The following GPER1 variants were observed in gnomAD, a reference collection of about 807,000 sequenced individuals.
The protein encoded by GPER1 is G protein-coupled estrogen receptor 1.
In GPER1, 2 loss-of-function variants were observed where a neutral mutation model predicts 0.6. The ratio of observed to expected loss-of-function variants is 3.41; its 90% CI spans 1.39 to 10.72. The LOEUF is 10.72. GPER1 is among the 30% of genes most tolerant of loss of function. The probability of loss-of-function intolerance (pLI) is 0.04; values close to 1 mark genes in which losing one functional copy is unlikely to be tolerated. For missense variants in GPER1, 441 were observed against 535.2 expected (o/e 0.82, Z 1.74); for synonymous variants, 263 against 247.6 (o/e 1.06, Z -0.58).
At position 1,092,642 on chromosome 7, in the gene GPER1, C is replaced by T. The variant is rs367628125; in HGVS notation, c.914C>T (p.Thr305Met). 1.8e-5 allele frequency: 29 copies of T among 1,612,648 alleles called. No individual in the cohort carries two copies. The highest frequency in any genetic ancestry group is 1.6e-4 in the Middle Eastern group (1 of 6,084). ...KQSFRHAHPL[T>M]GHIVNLAAFS... Reference sequence around the variant, plus strand: ...TCTTTCCGCCATGCCCACCCCCTCACGGGCCACATTGTCAACCTCGCCGCC... The same window carrying T: ...TCTTTCCGCCATGCCCACCCCCTCATGGGCCACATTGTCAACCTCGCCGCC... The change falls in exon 2 of 2, where the codon ACG becomes ATG. Residue 305 changes from threonine (T) to methionine (M), a missense_variant. By Grantham distance (81) the Thr-to-Met change is moderately conservative. Coordinates refer to ENST00000397088, the MANE Select transcript of GPER1 (RefSeq NM_001098201.3).
chr7:1,089,567 C>T (rs550341768), intron 1 of GPER1, among the ~76,000 whole-genome samples: 1 of 152,236 alleles, frequency 6.6e-6, no homozygotes, highest in South Asian at 2.1e-4. Context: ...TACAGGCGCA[C>T]ACCACTATGC....
chr7:1,092,050 C>T lies in GPER1; in HGVS notation c.322C>T (p.Leu108=). The T allele has an allele frequency of 6.2e-7, 1 of 1,614,038 alleles. No individual in the cohort carries two copies. Among genetic ancestry groups the T allele is most frequent in the Non-Finnish European group, 8.5e-7 (1 of 1,179,996 alleles). ...FINLAVADLI[L]VADSLIEVFN... is the part of the protein sequence containing the mutation. ...CAACCTGGCGGTGGCGGACCTCATC[C>T]TGGTGGCCGACTCCCTCATTGAGGT... The change falls in exon 2 of 2, where the codon CTG becomes TTG. Residue 108 remains leucine (L), a synonymous_variant. Transcript: ENST00000397088.
At chr7:1,090,590 C>T (rs569227033) in intron 1 of GPER1, among the ~76,000 whole-genome samples, 22 of 147,052 alleles carry the variant, frequency 1.5e-4, no homozygotes, top group African/African-American at 5.8e-4. Flanking sequence ...GACGGGACCT[C>T]TCCACTGGCG....
Position 1,092,487 on chromosome 7 carries a change from G to T in GPER1, c.759G>T (p.Arg253=). Residue 253 remains arginine (R), a synonymous_variant, in exon 2 of 2, where the codon CGG becomes CGT. Transcript: ENST00000397088. Reference sequence around the variant, plus strand: ...ACCGGCACCGTGGGCTGCGGCCCCGGCGGCAGAAGGCGCTCCGCATGATCC... The same window carrying T: ...ACCGGCACCGTGGGCTGCGGCCCCGTCGGCAGAAGGCGCTCCGCATGATCC... ...RAHRHRGLRP[R]RQKALRMILA... 6.2e-7 allele frequency: 1 copy of T among 1,607,442 alleles called. No homozygotes were observed.
chr7:1,091,581 C>T lies in GPER1; in HGVS notation c.-148C>T, dbSNP rs549941523. ...TTAACAAACCCAACCCAAACCACCA[C>T]AGGTGCTCCTCCTGGGGAGTTTCCT... On this transcript the variant is annotated 5_prime_UTR_variant, in exon 2 of 2. Coordinates refer to ENST00000397088, the MANE Select transcript of GPER1 (RefSeq NM_001098201.3). The T allele has an allele frequency of 2.9e-6, 2 of 689,552 alleles. No individual in the cohort carries two copies. The highest frequency in any genetic ancestry group is 2.6e-5 in the Admixed American group (1 of 38,450). 42.7% of individuals were successfully genotyped at this position (689,552 alleles called of 1,614,324 possible). A position where few individuals can be genotyped will look rare whatever the true frequency, so the allele number is the denominator to read the frequency against.
rs758976064 is a variant in GPER1, at chr7:1,092,850, C to G, written c.1122C>G (p.Ala374=). 1 of 1,611,764 alleles carries G rather than the reference C, an allele frequency of 6.2e-7. No homozygotes were observed. The highest frequency in any genetic ancestry group is 8.5e-7 in the Non-Finnish European group (1 of 1,179,140). The part of the protein sequence containing the change: ...TEQSDVRFSS[A]V ...AGTCGGATGTGAGGTTCAGCAGTGCCGTGTAGACAGCCTTGGCCGCATAGG... is the reference window on the plus strand; with the variant it reads ...AGTCGGATGTGAGGTTCAGCAGTGCGGTGTAGACAGCCTTGGCCGCATAGG... The change falls in exon 2 of 2, where the codon GCC becomes GCG. Residue 374 remains alanine (A), a synonymous_variant. Transcript: ENST00000397088.
chr7:1,091,827 G>A lies in GPER1; in HGVS notation c.99G>A (p.Leu33=). ...APNTTSPELN[L]SHPLLGTALA... is the part of the protein sequence containing the mutation. ...ACACCACCTCCCCCGAGCTCAACCTGTCCCACCCGCTCCTGGGCACCGCCC... is the reference window on the plus strand; with the variant it reads ...ACACCACCTCCCCCGAGCTCAACCTATCCCACCCGCTCCTGGGCACCGCCC... The change falls in exon 2 of 2, where the codon CTG becomes CTA. Residue 33 remains leucine, a synonymous_variant. Transcript: ENST00000397088. The A allele has an allele frequency of 6.2e-7, 1 of 1,604,496 alleles. No individual in the cohort carries two copies. The highest frequency in any genetic ancestry group is 8.5e-7 in the Non-Finnish European group (1 of 1,173,758).
rs765474183 is a variant in GPER1 at position 1,092,367 on chromosome 7, G to A, written c.639G>A (p.Glu213=). The part of the protein sequence containing the change: ...EACFCFADVR[E]VQWLEVTLGF... The stretch of plus-strand genomic sequence containing the variant: ...GCTTCTGTTTCGCGGATGTCCGGGA[G>A]GTGCAGTGGCTCGAGGTCACGCTGG... Residue 213 remains glutamate, a synonymous_variant, in exon 2 of 2, where the codon GAG becomes GAA. Transcript: ENST00000397088. The A allele has an allele frequency of 6.2e-7, 1 of 1,610,966 alleles. No homozygotes were observed. The highest frequency in any genetic ancestry group is 8.5e-7 in the Non-Finnish European group (1 of 1,179,190).
In GPER1 at chr7:1,092,941, T is replaced by C; in HGVS notation, c.*85T>C. 2 of 1,284,852 alleles carry C rather than the reference T, an allele frequency of 1.6e-6. No homozygotes were observed. Among genetic ancestry groups the C allele is most frequent in the Non-Finnish European group, 2.2e-6 (2 of 898,808 alleles). 79.6% of individuals were successfully genotyped at this position (1,284,852 alleles called of 1,614,324 possible). ...GGACACAAGGCACGGCCACGTCATG[T>C]CTCTAAACTGCGGTCAGATGTGGCT... On this transcript the variant is annotated 3_prime_UTR_variant, in exon 2 of 2. Transcript: ENST00000397088.
rs752177008 is a variant in GPER1 at position 1,092,092 on chromosome 7, C to T, written c.364C>T (p.Arg122Trp). ...CATTGAGGTGTTCAACCTGCACGAG[C>T]GGTACTACGACATCGCCGTCCTGTG... ...SLIEVFNLHE[R>W]YYDIAVLCTF... The change falls in exon 2 of 2, where the codon CGG becomes TGG. Residue 122 changes from arginine to tryptophan, a missense_variant. Coordinates refer to ENST00000397088, the MANE Select transcript of GPER1 (RefSeq NM_001098201.3). 9 of 1,613,760 alleles carry T rather than the reference C, an allele frequency of 5.6e-6. No homozygotes were observed. The highest frequency in any genetic ancestry group is 4.0e-5 in the African/African-American group (3 of 74,926).
At chr7:1,089,974 C>T (rs1787789162) in intron 1 of GPER1, among the ~76,000 whole-genome samples, 1 of 151,720 alleles carries the variant, frequency 6.6e-6, no homozygotes, top group South Asian at 2.1e-4. Context: ...ATCCCAGATA[C>T]TCAGGAGGCT....
Position 1,088,213 on chromosome 7 carries a change from C to G in GPER1, c.-431C>G, listed in dbSNP as rs932555833. 5 of 152,270 alleles carry G rather than the reference C, an allele frequency of 3.3e-5. No individual in the cohort carries two copies. The highest frequency in any genetic ancestry group is 5.9e-5 in the Non-Finnish European group (4 of 68,068). The allele number at this position is 152,270 out of a possible 1,614,324, so 9.4% of individuals were successfully genotyped here. On this transcript the variant is annotated 5_prime_UTR_variant, in exon 1 of 2. Transcript: ENST00000397088. This position sits in a 1 kb window ranked among gnomAD's most constrained non-coding sequence, Gnocchi z 4.5. ...CTCTCTCTAGCCCTGCTCAGGCATT[C>G]GGCAGGTCCAGCAGAGGTACACCTC... is the stretch of plus-strand genomic sequence containing the variant.
In GPER1 at chr7:1,092,499, G is replaced by A. The variant is rs758236330; in HGVS notation, c.771G>A (p.Ala257=). 1.1e-5 allele frequency: 18 copies of A among 1,607,546 alleles called. No individual in the cohort carries two copies. The highest frequency in any genetic ancestry group is 1.1e-4 in the South Asian group (10 of 91,074). The change falls in exon 2 of 2, where the codon GCG becomes GCA. Residue 257 remains alanine (A), a synonymous_variant. Coordinates refer to ENST00000397088, the MANE Select transcript of GPER1 (RefSeq NM_001098201.3). ...GGCTGCGGCCCCGGCGGCAGAAGGC[G>A]CTCCGCATGATCCTCGCGGTGGTGC... ...HRGLRPRRQK[A]LRMILAVVLV...
rs1133041 is a variant in GPER1 at position 1,093,055 on chromosome 7, C to T, written c.*199C>T. 17,658 of 710,968 alleles carry T rather than the reference C, an allele frequency of 0.025. 966 individuals carry two copies. The highest frequency in any genetic ancestry group is 0.2 in the East Asian group (7,499 of 36,870). The allele number at this position is 710,968 out of a possible 1,614,324, so 44.0% of individuals were successfully genotyped here. A position where few individuals can be genotyped will look rare whatever the true frequency, so the allele number is the denominator to read the frequency against. ...CCTCACGACTGGTCACCTTGCACTC[C>T]TCACACAGAATTGCTACAATCCCAA... On this transcript the variant is annotated 3_prime_UTR_variant, in exon 2 of 2. Coordinates refer to ENST00000397088, the MANE Select transcript of GPER1 (RefSeq NM_001098201.3).
At position 1,090,610 on chromosome 7, in the gene GPER1, G is replaced by A. The variant is rs114479638; in HGVS notation, c.-322-797G>A. 3.1e-3 allele frequency among the ~76,000 whole-genome samples: 466 copies of A among 150,520 alleles called. 1 individual carries two copies. Among genetic ancestry groups the A allele is most frequent in the African/African-American group, 0.011 (436 of 40,874 alleles). On this transcript the variant is annotated intron_variant, in intron 1 of 1. Coordinates refer to ENST00000397088, the MANE Select transcript of GPER1 (RefSeq NM_001098201.3). ...GACCTCTCCACTGGCGGCAGAGCCA[G>A]GGTGACACGGGGTGGGTGACGGGAC...
At position 1,088,876 on chromosome 7, in the gene GPER1, C is replaced by A. The variant is rs1787657661; in HGVS notation, c.-323+555C>A. Among the ~76,000 whole-genome samples, 2 of 151,736 alleles carry A rather than the reference C, an allele frequency of 1.3e-5. No homozygotes were observed. The highest frequency in any genetic ancestry group is 2.9e-5 in the Non-Finnish European group (2 of 67,974). On this transcript the variant is annotated intron_variant, in intron 1 of 1. Coordinates refer to ENST00000397088, the MANE Select transcript of GPER1 (RefSeq NM_001098201.3). This position sits in a 1 kb window ranked among gnomAD's most constrained non-coding sequence, Gnocchi z 4.5. ...ACACTAGGTTCCTCTCACCCAGGAC[C>A]ACATCAGACACTAGGACACATCAGA...
In GPER1 at chr7:1,088,798, T is replaced by C. The variant is rs1233027861; in HGVS notation, c.-323+477T>C. 6.6e-6 allele frequency among the ~76,000 whole-genome samples: 1 copy of C among 152,056 alleles called. No homozygotes were observed. The highest frequency in any genetic ancestry group is 2.4e-5 in the African/African-American group (1 of 41,370). ...AAATCTGAAATGAGGTATTGCACTG[T>C]TTATAACTCCATGGCCACCTCCAGT... is the stretch of plus-strand genomic sequence containing the variant. On this transcript the variant is annotated intron_variant, in intron 1 of 1. Transcript: ENST00000397088. The surrounding 1 kb of genome is among the most constrained non-coding windows in gnomAD (Gnocchi z 4.5).
chr7:1,091,930 T>C lies in GPER1; in HGVS notation c.202T>C (p.Phe68Leu). The change falls in exon 2 of 2, where the codon TTC becomes CTC. Residue 68 changes from phenylalanine to leucine, a missense_variant. Phe to Leu is a conservative substitution (Grantham distance 22). Coordinates refer to ENST00000397088, the MANE Select transcript of GPER1 (RefSeq NM_001098201.3). ...GTTCCTCTCGTGCCTCTACACCATC[T>C]TCCTCTTCCCCATCGGCTTTGTGGG... The part of the protein sequence containing the change: ...GLFLSCLYTI[F>L]LFPIGFVGNI... The C allele has an allele frequency of 6.2e-7, 1 of 1,614,028 alleles. No homozygotes were observed. Among genetic ancestry groups the C allele is most frequent in the Non-Finnish European group, 8.5e-7 (1 of 1,179,954 alleles).
chr7:1,090,901 G>A (rs1268439891), intron 1 of GPER1, among the ~76,000 whole-genome samples: 1 of 152,228 alleles, frequency 6.6e-6, no homozygotes, highest in Non-Finnish European at 1.5e-5. Flanking sequence ...GAACTAGCAT[G>A]AGGAAACCGC....
Sources: allele counts gnomAD v4.1 joint callset (sites outside exome capture counted in the v4.1 genomes callset), GRCh38; gene constraint gnomAD v4.1.1; non-coding constraint Gnocchi (gnomAD v3.1); transcripts MANE v1.5; gene names NCBI Gene and HGNC (gene_info 2026-07-23, HGNC 2026-07-21).